Variants in LUZP2 observed in about 807,000 individuals in gnomAD.
LUZP2 encodes leucine zipper protein 2.
In LUZP2, 52 loss-of-function variants were observed where a neutral mutation model predicts 51.6. That is an observed-to-expected ratio of 1.01 (90% CI 0.81 to 1.27). The LOEUF (loss-of-function observed/expected upper bound fraction) is 1.27, where lower values mean the gene tolerates loss of function less well. LUZP2 is among the 50% of genes most tolerant of loss of function. The pLI, the probability that LUZP2 is intolerant of heterozygous loss-of-function variation, is 0.00. For synonymous variants in LUZP2, 154 were observed against 137.3 expected (o/e 1.12, Z -0.85); for missense variants, 436 against 395.4 (o/e 1.10, Z -0.87).
intron 10 of LUZP2, among the ~76,000 whole-genome samples, chr11:25,051,909 T>A (rs1858528707): frequency 6.6e-6 from 1 of 152,140 alleles, no homozygotes; most frequent in Non-Finnish European, 1.5e-5. Context: ...AATCATAAAT[T>A]GATTTGTTCA....
chr11:25,042,886 T>C (rs1390309708), intron 9 of LUZP2, among the ~76,000 whole-genome samples: 4 of 152,152 alleles, frequency 2.6e-5, no homozygotes, highest in Non-Finnish European at 4.4e-5. Flanking sequence ...GTGAAATCTG[T>C]TCTCCCAAAA....
intron 7 of LUZP2, among the ~76,000 whole-genome samples, chr11:24,957,201 A>C (rs567426101): frequency 3.3e-5 from 5 of 152,234 alleles, no homozygotes; most frequent in African/African-American, 1.2e-4. Context: ...TCTTTCGCTT[A>C]TTCTCTTTGA....
chr11:24,603,011 T>C (rs1355585439), intron 1 of LUZP2, among the ~76,000 whole-genome samples: 1 of 151,852 alleles, frequency 6.6e-6, no homozygotes, highest in East Asian at 1.9e-4. Context: ...TGTACACATG[T>C]TACTGTGATT....
intron 5 of LUZP2, among the ~76,000 whole-genome samples, chr11:24,848,627 G>C (rs1457844212): frequency 6.6e-6 from 1 of 151,924 alleles, no homozygotes; most frequent in East Asian, 1.9e-4. Flanking sequence ...CTGCATCTTT[G>C]TCCTCTGCCT....
intron 9 of LUZP2, among the ~76,000 whole-genome samples, chr11:25,046,930 T>C (rs1203742131): frequency 6.6e-6 from 1 of 152,148 alleles, no homozygotes; most frequent in East Asian, 1.9e-4. Context: ...TAACAAAGAC[T>C]GGGAGGGTAA....
chr11:24,648,224 C>T (rs145495735), intron 1 of LUZP2, among the ~76,000 whole-genome samples: 154 of 151,978 alleles, frequency 1.0e-3, no homozygotes, highest in Admixed American at 2.4e-3. Flanking sequence ...TTTCTACTAT[C>T]GGCACATCTA....
chr11:24,862,103 T>C (rs1241278070), intron 5 of LUZP2, among the ~76,000 whole-genome samples: 2 of 151,928 alleles, frequency 1.3e-5, no homozygotes, highest in Non-Finnish European at 2.9e-5. Context: ...ATCATCAGAT[T>C]CTCCAAGGTC....
At chr11:25,053,478 G>A (rs544920728) in intron 10 of LUZP2, among the ~76,000 whole-genome samples, 36 of 151,044 alleles carry the variant, frequency 2.4e-4, no homozygotes, top group Non-Finnish European at 4.6e-4. Context: ...CATCCCATTT[G>A]CTGAGTCCAG....
At chr11:24,955,316 G>A (rs1283889917) in intron 7 of LUZP2, among the ~76,000 whole-genome samples, 1 of 151,838 alleles carries the variant, frequency 6.6e-6, no homozygotes, top group East Asian at 1.9e-4. Context: ...AAAATATCTG[G>A]TAAATGAAGG....
chr11:24,765,015 A>G (rs1395703786), intron 5 of LUZP2, among the ~76,000 whole-genome samples: 1 of 152,188 alleles, frequency 6.6e-6, no homozygotes, highest in Non-Finnish European at 1.5e-5. Flanking sequence ...ATTTGCTACT[A>G]TTCACTTTAA....
At chr11:25,021,844 G>A (rs1237362314) in intron 9 of LUZP2, among the ~76,000 whole-genome samples, 4 of 152,050 alleles carry the variant, frequency 2.6e-5, no homozygotes, top group African/African-American at 4.8e-5. Context: ...ATGGAGATCA[G>A]ATATGAAGCT....
rs147967824 is a variant in LUZP2 at position 24,912,770 on chromosome 11, A to C, written c.460-1706A>C. Among the ~76,000 whole-genome samples, 398 of 152,278 alleles carry C rather than the reference A, an allele frequency of 2.6e-3. 5 individuals are homozygous for C. Among genetic ancestry groups the C allele is most frequent in the African/African-American group, 8.9e-3 (368 of 41,548 alleles). ...GGTTGCAGTGAGCTGAGAATGCGCCACTGCACTCCAGCCTGGGCAACAGAG... is the reference window on the plus strand; with the variant it reads ...GGTTGCAGTGAGCTGAGAATGCGCCCCTGCACTCCAGCCTGGGCAACAGAG... On this transcript the variant is annotated intron_variant, in intron 6 of 11. Coordinates refer to ENST00000336930, the MANE Select transcript of LUZP2 (RefSeq NM_001009909.4).
intron 1 of LUZP2, among the ~76,000 whole-genome samples, chr11:24,563,046 G>A (rs913101221): frequency 4.6e-5 from 7 of 152,210 alleles, no homozygotes; most frequent in Admixed American, 4.6e-4. Flanking sequence ...TGTAGCTGAC[G>A]AATCAGCTTT....
intron 1 of LUZP2, among the ~76,000 whole-genome samples, chr11:24,653,574 C>T (rs1855704583): frequency 6.6e-6 from 1 of 152,096 alleles, no homozygotes; most frequent in Admixed American, 6.6e-5. Context: ...TTAGCTATGG[C>T]ATTTATAGCC....
chr11:24,517,668 A>G (rs1460126821), intron 1 of LUZP2, among the ~76,000 whole-genome samples: 1 of 151,966 alleles, frequency 6.6e-6, no homozygotes. Context: ...GGAGCCAATA[A>G]TCCATAGTTT....
chr11:25,054,937 C>G (rs762030204), intron 10 of LUZP2, among the ~76,000 whole-genome samples: 8 of 61,822 alleles, frequency 1.3e-4, no homozygotes, highest in Non-Finnish European at 2.9e-5. Flanking sequence ...AAAACATTGT[C>G]TTAATAATAC....
At chr11:24,587,779 T>A (rs995386396) in intron 1 of LUZP2, among the ~76,000 whole-genome samples, 2 of 151,892 alleles carry the variant, frequency 1.3e-5, no homozygotes, top group African/African-American at 4.8e-5. Context: ...GTCTAGACAG[T>A]TTTTTTTAAA....
intron 1 of LUZP2, among the ~76,000 whole-genome samples, chr11:24,720,297 C>T (rs559106488): frequency 3.3e-5 from 5 of 151,646 alleles, no homozygotes; most frequent in African/African-American, 1.2e-4. Flanking sequence ...AACTTAGATA[C>T]CAAGCTTTAC....
intron 5 of LUZP2, among the ~76,000 whole-genome samples, chr11:24,765,842 G>T (rs1860170862): frequency 1.3e-5 from 2 of 151,918 alleles, no homozygotes. Context: ...TAGCCAGGAT[G>T]GTCTCCATCT....
Sources: gnomAD v4.1 joint callset for allele counts (sites outside exome capture counted in the v4.1 genomes callset) on GRCh38, gnomAD v4.1.1 for gene constraint, MANE v1.5 for transcripts, NCBI Gene and HGNC (gene_info 2026-07-23, HGNC 2026-07-21) for gene names.